FRMD6: variants seen among roughly 807,000 people sequenced by gnomAD.
FRMD6 encodes FERM domain-containing protein 6.
FRMD6 carries 37 observed loss-of-function variants against 73.2 expected under a neutral mutation model. That is an observed-to-expected ratio of 0.51 (90% CI 0.39 to 0.66). FRMD6 has a LOEUF of 0.66. Among genes scored for constraint, FRMD6 ranks in the 30% least tolerant of loss-of-function variants. The probability of loss-of-function intolerance (pLI) is 0.00; values close to 1 mark genes in which losing one functional copy is unlikely to be tolerated. For missense variants in FRMD6, 714 were observed against 780.5 expected (o/e 0.91, Z 1.02); for synonymous variants, 273 against 282.2 (o/e 0.97, Z 0.33).
At chr14:51,598,363 C>T (rs971713579) in intron 2 of FRMD6, among the ~76,000 whole-genome samples, 3 of 152,164 alleles carry the variant, frequency 2.0e-5, no homozygotes, top group Admixed American at 6.5e-5. Flanking sequence ...GAATATCAGT[C>T]TGACTGCTTA....
Position 51,702,604 on chromosome 14 carries a change from G to C in FRMD6, c.371+16G>C. The stretch of plus-strand genomic sequence containing the variant: ...GATTGATCAGGTAAGAGGACAGGGG[G>C]TGATTCTAAACGCTTTTTTTTCCCC... On this transcript the variant is annotated intron_variant, in intron 5 of 13. Coordinates refer to ENST00000344768, the MANE Select transcript of FRMD6 (RefSeq NM_001267046.2). 6.2e-7 allele frequency: 1 copy of C among 1,601,996 alleles called. No individual in the cohort carries two copies. The highest frequency in any genetic ancestry group is 1.3e-5 in the African/African-American group (1 of 74,514).
the FRMD6 span, among the ~76,000 whole-genome samples, chr14:51,473,279 T>C: frequency 6.6e-6 from 1 of 152,250 alleles, no homozygotes; most frequent in African/African-American, 2.4e-5. Context: ...TTCTAATTCA[T>C]GGCCTATCTT....
At chr14:51,465,004 A>G in the FRMD6 span, among the ~76,000 whole-genome samples, 1 of 152,180 alleles carries the variant, frequency 6.6e-6, no homozygotes, top group African/African-American at 2.4e-5. Context: ...TCCCTGCCAC[A>G]TATACAGGCT....
chr14:51,628,750 G>A (rs1176510839), intron 2 of FRMD6, among the ~76,000 whole-genome samples: 1 of 115,936 alleles, frequency 8.6e-6, no homozygotes, highest in Non-Finnish European at 1.6e-5. Context: ...GCAGTGAGCC[G>A]AGATCATGCC....
At chr14:51,540,282 C>T (rs1198114449) in intron 1 of FRMD6, among the ~76,000 whole-genome samples, 1 of 152,076 alleles carries the variant, frequency 6.6e-6, no homozygotes, top group Non-Finnish European at 1.5e-5. Flanking sequence ...ATCCATGTTC[C>T]AGTTGTCAGG....
chr14:51,641,858 G>A (rs369659685), intron 2 of FRMD6, among the ~76,000 whole-genome samples: 25 of 151,988 alleles, frequency 1.6e-4, no homozygotes, highest in African/African-American at 5.3e-4. Context: ...CCTCCTCCCC[G>A]CTTTCCCCAT....
chr14:51,433,895 A>T, the FRMD6 span, among the ~76,000 whole-genome samples: 37 of 152,358 alleles, frequency 2.4e-4, no homozygotes, highest in Admixed American at 2.4e-3. Flanking sequence ...TATTTTGACT[A>T]TATACTATAG....
At chr14:51,607,392 G>A (rs893327338) in intron 2 of FRMD6, among the ~76,000 whole-genome samples, 2 of 152,118 alleles carry the variant, frequency 1.3e-5, no homozygotes, top group African/African-American at 2.4e-5. Context: ...GGGGGCAAAC[G>A]GGGCATGGTC....
At chr14:51,683,120 A>G (rs911282380) in intron 1 of FRMD6, among the ~76,000 whole-genome samples, 1 of 152,182 alleles carries the variant, frequency 6.6e-6, no homozygotes, top group Non-Finnish European at 1.5e-5. Context: ...ACAACCAACA[A>G]TACGCTTAAC....
intron 2 of FRMD6, among the ~76,000 whole-genome samples, chr14:51,597,420 C>A (rs1889779885): frequency 6.6e-6 from 1 of 152,108 alleles, no homozygotes; most frequent in Non-Finnish European, 1.5e-5. Context: ...TTGGACAATG[C>A]AGAGTTTAGG....
chr14:51,658,022 A>G (rs1049584193), intron 1 of FRMD6, among the ~76,000 whole-genome samples: 16 of 152,120 alleles, frequency 1.1e-4, no homozygotes, highest in Admixed American at 7.2e-4. Flanking sequence ...TGCTTGTTGG[A>G]GAGAGAGAAG....
rs559575152 is a variant in FRMD6, at chr14:51,563,396, G to A, written c.-209-6952G>A. The stretch of plus-strand genomic sequence containing the variant: ...TAGAAAAAAGCTACTGTGGCCGGGC[G>A]TGGTGGCTCATGCTTGTAATCCCAG... On this transcript the variant is annotated intron_variant, in intron 1 of 14. Transcript: ENST00000356218. 5.9e-5 allele frequency among the ~76,000 whole-genome samples: 9 copies of A among 152,288 alleles called. No individual in the cohort carries two copies. In the South Asian group the frequency reaches 1.2e-3, roughly 21 times the overall value.
chr14:51,456,268 A>G, the FRMD6 span, among the ~76,000 whole-genome samples: 1 of 152,054 alleles, frequency 6.6e-6, no homozygotes, highest in Non-Finnish European at 1.5e-5. Context: ...CATCACCTAC[A>G]TTAGGTATTT....
intron 2 of FRMD6, among the ~76,000 whole-genome samples, chr14:51,594,037 C>T (rs1221264676): frequency 6.6e-6 from 1 of 152,144 alleles, no homozygotes; most frequent in Non-Finnish European, 1.5e-5. Flanking sequence ...GGGAATGCCA[C>T]AGTGAATTAC....
intron 1 of FRMD6, among the ~76,000 whole-genome samples, chr14:51,671,299 T>C (rs1893986546): frequency 6.6e-6 from 1 of 152,184 alleles, no homozygotes; most frequent in African/African-American, 2.4e-5. Flanking sequence ...CTGGAAAAGC[T>C]TGTGTAGAAT....
At chr14:51,481,526 G>C in the FRMD6 span, among the ~76,000 whole-genome samples, 55 of 152,308 alleles carry the variant, frequency 3.6e-4, no homozygotes, top group African/African-American at 1.2e-3. Context: ...TTCAAGATGA[G>C]AGTTAGGTGG....
intron 1 of FRMD6, among the ~76,000 whole-genome samples, chr14:51,678,826 T>C (rs921479325): frequency 2.2e-4 from 33 of 146,936 alleles, no homozygotes; most frequent in Non-Finnish European, 4.6e-4. Context: ...GATTTCATTA[T>C]GTTCTTTTGG....
the FRMD6 span, among the ~76,000 whole-genome samples, chr14:51,461,069 G>T: frequency 2.0e-5 from 3 of 152,288 alleles, no homozygotes; most frequent in African/African-American, 7.2e-5. Context: ...AAACCAATGG[G>T]ATTAGCAGAT....
intron 11 of FRMD6, 96 bp from the exon 12 acceptor site, chr14:51,721,853 A>G: frequency 7.1e-7 from 1 of 1,399,494 alleles, no homozygotes; most frequent in Non-Finnish European, 9.8e-7. Flanking sequence ...ATTTTCAAAT[A>G]GGAATAATTA....
Sources: allele counts gnomAD v4.1 joint callset (sites outside exome capture counted in the v4.1 genomes callset), GRCh38; gene constraint gnomAD v4.1.1; transcripts MANE v1.5; gene names NCBI Gene and HGNC (gene_info 2026-07-23, HGNC 2026-07-21).